ARL15: variants seen among roughly 807,000 people sequenced by gnomAD.
The protein encoded by ARL15 is ARF like GTPase 15.
ARL15 carries 19 observed loss-of-function variants against 25.2 expected under a neutral mutation model. The observed-to-expected ratio is 0.75, with a 90% CI of 0.53 to 1.10. The LOEUF (loss-of-function observed/expected upper bound fraction) is 1.10, where lower values mean the gene tolerates loss of function less well. ARL15 is among the 50% of genes least tolerant of loss of function. The pLI is 0.00. For missense variants in ARL15, 220 were observed against 246.0 expected (o/e 0.89, Z 0.71); for synonymous variants, 94 against 86.8 (o/e 1.08, Z -0.46).
chr5:53,918,378 G>T (rs189926691), intron 4 of ARL15, among the ~76,000 whole-genome samples: 5 of 151,370 alleles, frequency 3.3e-5, no homozygotes, highest in Middle Eastern at 3.4e-3. Flanking sequence ...AGTAGAGATG[G>T]GGGGGGATCT....
chr5:54,098,570 G>C (rs897669347), intron 4 of ARL15, among the ~76,000 whole-genome samples: 1 of 152,038 alleles, frequency 6.6e-6, no homozygotes, highest in Admixed American at 6.6e-5. Context: ...CCTGAGCGTG[G>C]GGTCACCCAG....
Position 53,946,701 on chromosome 5 carries a change from T to C in ARL15, c.463-59988A>G, listed in dbSNP as rs535082068. Among the ~76,000 whole-genome samples the C allele has an allele frequency of 1.4e-4, 22 of 152,188 alleles. No individual in the cohort carries two copies. In the South Asian group the frequency reaches 2.9e-3, roughly 20 times the overall value. ...TAGGTGGCCAAAATCCTGAAAACTA[T>C]CATTAACAGCCCCCAATTTGGGGAA... On this transcript the variant is annotated intron_variant, in intron 4 of 4. Coordinates refer to ENST00000504924, the MANE Select transcript of ARL15 (RefSeq NM_019087.3).
intron 4 of ARL15, among the ~76,000 whole-genome samples, chr5:54,022,924 T>C (rs1328458293): frequency 6.6e-6 from 1 of 152,140 alleles, no homozygotes; most frequent in East Asian, 1.9e-4. Flanking sequence ...TACAACACTG[T>C]CTGATGTGGT....
intron 3 of ARL15, among the ~76,000 whole-genome samples, chr5:54,148,038 A>G (rs1753960789): frequency 6.6e-6 from 1 of 152,176 alleles, no homozygotes; most frequent in African/African-American, 2.4e-5. Context: ...GTAAGATAAA[A>G]ATTAAAGAAG....
intron 1 of ARL15, among the ~76,000 whole-genome samples, chr5:54,260,239 T>C (rs1757467764): frequency 6.6e-6 from 1 of 152,168 alleles, no homozygotes; most frequent in Admixed American, 6.5e-5. Flanking sequence ...TCAGAGCCAC[T>C]CTGAGCTTAA....
chr5:54,115,513 C>T (rs2112226094), intron 3 of ARL15, among the ~76,000 whole-genome samples: 1 of 152,154 alleles, frequency 6.6e-6, no homozygotes, highest in East Asian at 1.9e-4. Flanking sequence ...TTAAACACTT[C>T]CTATCCTCCA....
intron 2 of ARL15, among the ~76,000 whole-genome samples, chr5:54,168,890 A>C (rs1180445820): frequency 6.6e-6 from 1 of 152,194 alleles, no homozygotes; most frequent in Non-Finnish European, 1.5e-5. Context: ...AGTATATTAA[A>C]TAAGCAATAT....
intron 4 of ARL15, among the ~76,000 whole-genome samples, chr5:54,098,936 C>A (rs905026113): frequency 1.3e-5 from 2 of 152,064 alleles, no homozygotes; most frequent in African/African-American, 4.8e-5. Flanking sequence ...CTATTTAAAT[C>A]TGAGAGTAAG....
chr5:54,209,097 A>T (rs1755959618), intron 1 of ARL15, among the ~76,000 whole-genome samples: 1 of 152,242 alleles, frequency 6.6e-6, no homozygotes, highest in Admixed American at 6.5e-5. Context: ...AATGGCATTT[A>T]TAAAGGCATA....
intron 1 of ARL15, among the ~76,000 whole-genome samples, chr5:54,177,490 G>A (rs1037874499): frequency 6.6e-6 from 1 of 152,194 alleles, no homozygotes; most frequent in Non-Finnish European, 1.5e-5. Flanking sequence ...TTGCATTTCA[G>A]TCTGATGACC....
chr5:54,085,978 T>G (rs2112126031), intron 4 of ARL15, among the ~76,000 whole-genome samples: 1 of 151,896 alleles, frequency 6.6e-6, no homozygotes, highest in Admixed American at 6.6e-5. Context: ...GCAATGGTGC[T>G]ATCTAGGCTC....
chr5:54,269,780 G>C (rs1454070445), intron 1 of ARL15, among the ~76,000 whole-genome samples: 3 of 152,098 alleles, frequency 2.0e-5, no homozygotes, highest in African/African-American at 4.8e-5. Flanking sequence ...TGATTAGCTG[G>C]GATTACAGAT....
intron 4 of ARL15, among the ~76,000 whole-genome samples, chr5:54,033,203 C>T (rs1225537754): frequency 6.6e-6 from 1 of 151,648 alleles, no homozygotes; most frequent in African/African-American, 2.4e-5. Flanking sequence ...ATCCCAGCTA[C>T]TCGGGAGGCT....
intron 4 of ARL15, among the ~76,000 whole-genome samples, chr5:54,095,254 C>T (rs1208641434): frequency 6.6e-6 from 1 of 152,074 alleles, no homozygotes; most frequent in Non-Finnish European, 1.5e-5. Flanking sequence ...ACAAGGCCGC[C>T]TTTTAAACTC....
chr5:53,966,993 T>G (rs1747587842), intron 4 of ARL15, among the ~76,000 whole-genome samples: 1 of 152,080 alleles, frequency 6.6e-6, no homozygotes, highest in South Asian at 2.1e-4. Flanking sequence ...CATATAATAA[T>G]GTCATGAAAA....
intron 3 of ARL15, among the ~76,000 whole-genome samples, chr5:54,118,373 A>G (rs1312944415): frequency 6.6e-6 from 1 of 152,208 alleles, no homozygotes; most frequent in South Asian, 2.1e-4. Context: ...AAACCAGATT[A>G]AAAAGATTTG....
intron 1 of ARL15, among the ~76,000 whole-genome samples, chr5:54,215,069 C>G (rs527934764): frequency 2.2e-4 from 33 of 152,082 alleles, no homozygotes; most frequent in Admixed American, 1.7e-3. Context: ...GCAGAACATC[C>G]TTCTTATCAC....
intron 2 of ARL15, among the ~76,000 whole-genome samples, chr5:54,154,926 T>A (rs1457969206): frequency 6.6e-6 from 1 of 152,010 alleles, no homozygotes; most frequent in African/African-American, 2.4e-5. Context: ...ATCAAGACCA[T>A]CCTGGGCAAC....
At chr5:54,151,295 TG>T (rs1281283696) in intron 3 of ARL15, among the ~76,000 whole-genome samples, 2 of 152,330 alleles carry the variant, frequency 1.3e-5, no homozygotes, top group African/African-American at 4.8e-5. Flanking sequence ...ACCAAACCAC[TG>T]GGCTAGACTA....
Sources: gnomAD v4.1 joint callset for allele counts (sites outside exome capture counted in the v4.1 genomes callset) on GRCh38, gnomAD v4.1.1 for gene constraint, MANE v1.5 for transcripts, NCBI Gene and HGNC (gene_info 2026-07-23, HGNC 2026-07-21) for gene names.